Variants in PLCG1 observed in about 807,000 individuals in gnomAD.
PLCG1 encodes 1-phosphatidylinositol 4,5-bisphosphate phosphodiesterase gamma-1.
A neutral mutation model predicts 177.8 loss-of-function variants in PLCG1; 71 were observed. The ratio of observed to expected loss-of-function variants is 0.40; its 90% CI spans 0.33 to 0.49. PLCG1 has a LOEUF of 0.49. Ranked by LOEUF, PLCG1 falls within the 20% of genes least tolerant of loss-of-function variation. The probability of loss-of-function intolerance (pLI) is 0.72; values close to 1 mark genes in which losing one functional copy is unlikely to be tolerated. For missense variants in PLCG1, 1,281 were observed against 1,709.0 expected (o/e 0.75, Z 4.42); for synonymous variants, 658 against 647.9 (o/e 1.02, Z -0.24).
At chr20:41,171,811 C>G (rs965560617) in intron 24 of PLCG1, among the ~76,000 whole-genome samples, 1 of 152,058 alleles carries the variant, frequency 6.6e-6, no homozygotes, top group Non-Finnish European at 1.5e-5. Context: ...ACAGGTAACA[C>G]AGAAGAATCA....
In PLCG1 at chr20:41,150,993, G is replaced by T. The variant is rs2035150368; in HGVS notation, c.218-8613G>T. 6.6e-6 allele frequency among the ~76,000 whole-genome samples: 1 copy of T among 152,192 alleles called. No individual in the cohort carries two copies. The highest frequency in any genetic ancestry group is 6.5e-5 in the Admixed American group (1 of 15,270). On this transcript the variant is annotated intron_variant, in intron 1 of 31. Coordinates refer to ENST00000685551, the MANE Select transcript of PLCG1 (RefSeq NM_002660.3). This position sits in a 1 kb window ranked among gnomAD's most constrained non-coding sequence, Gnocchi z 4.0. ...GACCCAGCCCAGGGCCTGACATGGA[G>T]TAGATAGATGCCCGATAAATGTTTG...
At chr20:41,169,598 C>A in intron 23 of PLCG1, 72 bp downstream of exon 23, 1 of 1,214,990 alleles carries the variant, frequency 8.2e-7, no homozygotes, top group Non-Finnish European at 1.2e-6. Flanking sequence ...CTTTCCTGCT[C>A]CTAGGGAGGA....
Position 41,146,927 on chromosome 20 carries a change from A to T in PLCG1, c.217+9069A>T, listed in dbSNP as rs2035011840. 6.6e-6 allele frequency among the ~76,000 whole-genome samples: 1 copy of T among 152,148 alleles called. No homozygotes were observed. The highest frequency in any genetic ancestry group is 2.4e-5 in the African/African-American group (1 of 41,426). ...GAGTGAAGGAGAGCTCCAGTTGGCCATAGGTCCCACAGGTTTCTCAGCTTA... is the reference window on the plus strand; with the variant it reads ...GAGTGAAGGAGAGCTCCAGTTGGCCTTAGGTCCCACAGGTTTCTCAGCTTA... On this transcript the variant is annotated intron_variant, in intron 1 of 31. Transcript: ENST00000685551. The surrounding 1 kb of genome is among the most constrained non-coding windows in gnomAD (Gnocchi z 6.3).
chr20:41,177,099 G>A lies in PLCG1; in HGVS notation c.*2590G>A, dbSNP rs532229042. On this transcript the variant is annotated 3_prime_UTR_variant, in exon 32 of 32. Coordinates refer to ENST00000685551, the MANE Select transcript of PLCG1 (RefSeq NM_002660.3). ...CAGCACAAACCAAAAGAGCAGGCAG[G>A]GCCGGGAGAGGGAAGTCAGTGGTAC... 2 of 152,404 alleles carry A rather than the reference G, an allele frequency of 1.3e-5. No individual in the cohort carries two copies. The highest frequency in any genetic ancestry group is 4.8e-5 in the African/African-American group (2 of 41,592). 9.4% of individuals were successfully genotyped at this position (152,404 alleles called of 1,614,324 possible). A position where few individuals can be genotyped will look rare whatever the true frequency, so the allele number is the denominator to read the frequency against.
In PLCG1 at chr20:41,175,186, ACTC is replaced by A. The variant is rs34400187; in HGVS notation, c.*683_*685del. 1.2e-4 allele frequency: 18 copies of A among 151,936 alleles called. No homozygotes were observed. The highest frequency in any genetic ancestry group is 4.1e-4 in the African/African-American group (17 of 41,176). 9.4% of individuals were successfully genotyped at this position (151,936 alleles called of 1,614,324 possible). On this transcript the variant is annotated 3_prime_UTR_variant, in exon 32 of 32. Transcript: ENST00000685551. ...CAATGGTATTGTAACTAAGTTATTT[ACTC>A]CTCCTGCTCCTCACCCCTGTAGGGA...
At chr20:41,169,658 G>T (rs2035830164) in intron 23 of PLCG1, 132 bp downstream of exon 23, 3 of 717,542 alleles carry the variant, frequency 4.2e-6, no homozygotes, top group Non-Finnish European at 7.4e-6. Context: ...CTCTCCCCAT[G>T]CTCTGGACAT....
Position 41,174,018 on chromosome 20 carries a change from G to C in PLCG1, c.3645+7G>C, listed in dbSNP as rs755341952. The C allele has an allele frequency of 1.2e-6, 2 of 1,612,586 alleles. No individual in the cohort carries two copies. Among genetic ancestry groups the C allele is most frequent in the Admixed American group, 3.3e-5 (2 of 60,030 alleles). ...TGACATTTTCCCTGCCAAGGTATCTGCAGCAGGGGTGGGCTGGCCTGGGGT... is the reference window on the plus strand; with the variant it reads ...TGACATTTTCCCTGCCAAGGTATCTCCAGCAGGGGTGGGCTGGCCTGGGGT... On this transcript the variant is annotated splice_region_variant and intron_variant, in intron 30 of 31. Coordinates refer to ENST00000685551, the MANE Select transcript of PLCG1 (RefSeq NM_002660.3). This position sits in a 1 kb window ranked among gnomAD's most constrained non-coding sequence, Gnocchi z 5.8.
chr20:41,169,227 T>C, intron 22 of PLCG1, 52 bp downstream of exon 22: 1 of 1,334,272 alleles, frequency 7.5e-7, no homozygotes, highest in African/African-American at 1.4e-5. Flanking sequence ...AGATTCTCCT[T>C]GGCATGCCCC....
chr20:41,150,780 C>T lies in PLCG1; in HGVS notation c.218-8826C>T, dbSNP rs2035143023. Among the ~76,000 whole-genome samples, 1 of 152,200 alleles carries T rather than the reference C, an allele frequency of 6.6e-6. No individual in the cohort carries two copies. Among genetic ancestry groups the T allele is most frequent in the South Asian group, 2.1e-4 (1 of 4,826 alleles). On this transcript the variant is annotated intron_variant, in intron 1 of 31. Coordinates refer to ENST00000685551, the MANE Select transcript of PLCG1 (RefSeq NM_002660.3). This position sits in a 1 kb window ranked among gnomAD's most constrained non-coding sequence, Gnocchi z 4.0. ...TGCCCAATGTGTGCTTGTCAGCCCTCCAGACCTGGCTTTTACAGAGCACTC... is the reference window on the plus strand; with the variant it reads ...TGCCCAATGTGTGCTTGTCAGCCCTTCAGACCTGGCTTTTACAGAGCACTC...
In PLCG1 at chr20:41,148,923, A is replaced by G. The variant is rs2035078837; in HGVS notation, c.218-10683A>G. 6.6e-6 allele frequency among the ~76,000 whole-genome samples: 1 copy of G among 152,184 alleles called. No individual in the cohort carries two copies. Among genetic ancestry groups the G allele is most frequent in the South Asian group, 2.1e-4 (1 of 4,826 alleles). On this transcript the variant is annotated intron_variant, in intron 1 of 31. Coordinates refer to ENST00000685551, the MANE Select transcript of PLCG1 (RefSeq NM_002660.3). The surrounding 1 kb of genome is among the most constrained non-coding windows in gnomAD (Gnocchi z 4.3). ...TTTGCCACTCACCAACTGCCACCTT[A>G]GGTAAGTTAATTAACCTCTTTGTGC...
chr20:41,165,674 G>A lies in PLCG1; in HGVS notation c.1647G>A (p.Lys549=), dbSNP rs2035660336. ...SSSTELHSNE[K]WFHGKLGAGR... ...GCACAGAGCTGCACTCCAATGAGAA[G>A]TGGTTCCATGGGAAGCTAGGGGCAG... Residue 549 remains lysine (K), a synonymous_variant, in exon 16 of 32, where the codon AAG becomes AAA. Coordinates refer to ENST00000685551, the MANE Select transcript of PLCG1 (RefSeq NM_002660.3). The surrounding 1 kb of genome is among the most constrained non-coding windows in gnomAD (Gnocchi z 6.6). 1.9e-6 allele frequency: 3 copies of A among 1,614,030 alleles called. No homozygotes were observed. The highest frequency in any genetic ancestry group is 2.5e-6 in the Non-Finnish European group (3 of 1,179,942).
At chr20:41,170,421 G>A in intron 24 of PLCG1, 152 bp downstream of exon 24, 1 of 695,778 alleles carries the variant, frequency 1.4e-6, no homozygotes, top group South Asian at 1.9e-5. Flanking sequence ...TAGGGATTGA[G>A]AAGAAACAGA....
chr20:41,152,012 A>G (rs548840793), intron 1 of PLCG1, among the ~76,000 whole-genome samples: 2 of 152,236 alleles, frequency 1.3e-5, no homozygotes, highest in Non-Finnish European at 2.9e-5. Context: ...GGCCCAGATG[A>G]TACTCACTTC....
chr20:41,146,553 A>G lies in PLCG1; in HGVS notation c.217+8695A>G, dbSNP rs1045023670. 6.6e-6 allele frequency among the ~76,000 whole-genome samples: 1 copy of G among 152,186 alleles called. No homozygotes were observed. The highest frequency in any genetic ancestry group is 1.9e-4 in the East Asian group (1 of 5,192). ...GGCCCTGACAGTGAACAGCTGGCCA[A>G]ACTGGTGAGGAGTTGGGCCATGGCG... On this transcript the variant is annotated intron_variant, in intron 1 of 31. Coordinates refer to ENST00000685551, the MANE Select transcript of PLCG1 (RefSeq NM_002660.3). This position sits in a 1 kb window ranked among gnomAD's most constrained non-coding sequence, Gnocchi z 6.3.
chr20:41,159,463 C>T lies in PLCG1; in HGVS notation c.218-143C>T. The T allele has an allele frequency of 1.3e-6, 1 of 754,610 alleles. No homozygotes were observed. The highest frequency in any genetic ancestry group is 2.1e-6 in the Non-Finnish European group (1 of 468,232). The allele number at this position is 754,610 out of a possible 1,614,324, so 46.7% of individuals were successfully genotyped here. On this transcript the variant is annotated intron_variant, in intron 1 of 31. Coordinates refer to ENST00000685551, the MANE Select transcript of PLCG1 (RefSeq NM_002660.3). This position sits in a 1 kb window ranked among gnomAD's most constrained non-coding sequence, Gnocchi z 6.0. ...AGACTCAACCCAGCCCTCTTATTAC[C>T]AGAGTGACTGAGTGGTCTTGGCTCT...
chr20:41,149,613 AG>A (rs1041417540), intron 1 of PLCG1, among the ~76,000 whole-genome samples: 21 of 152,306 alleles, frequency 1.4e-4, no homozygotes, highest in African/African-American at 5.1e-4. Context: ...GCTTAAGAGG[AG>A]AGGACTAGGC....
chr20:41,171,866 T>A (rs2035911411), intron 24 of PLCG1, among the ~76,000 whole-genome samples: 1 of 152,084 alleles, frequency 6.6e-6, no homozygotes, highest in Non-Finnish European at 1.5e-5. Flanking sequence ...TCAGAAAGTG[T>A]CATTTGGGAG....
chr20:41,169,318 C>T (rs952692104), intron 22 of PLCG1, 139 bp from the exon 23 acceptor site: 13 of 916,490 alleles, frequency 1.4e-5, no homozygotes, highest in African/African-American at 8.1e-5. Context: ...TGGCCATGCA[C>T]GTAGTCTCCC....
rs2146031450 is a variant in PLCG1 at position 41,159,543 on chromosome 20, C to T, written c.218-63C>T. 1.3e-6 allele frequency: 2 copies of T among 1,564,720 alleles called. No individual in the cohort carries two copies. Among genetic ancestry groups the T allele is most frequent in the Non-Finnish European group, 1.7e-6 (2 of 1,147,012 alleles). On this transcript the variant is annotated intron_variant, in intron 1 of 31. Transcript: ENST00000685551. The surrounding 1 kb of genome is among the most constrained non-coding windows in gnomAD (Gnocchi z 6.0). ...GTAAGAATGAGGAAACCAGGCTGCC[C>T]TCCTTTCGGTGTTGACTCTGGGAGA...
Sources: gnomAD v4.1 joint callset for allele counts (sites outside exome capture counted in the v4.1 genomes callset) on GRCh38, gnomAD v4.1.1 for gene constraint, Gnocchi (gnomAD v3.1) non-coding constraint, MANE v1.5 for transcripts, NCBI Gene and HGNC (gene_info 2026-07-23, HGNC 2026-07-21) for gene names.